Variants in DGKD observed in about 807,000 individuals in gnomAD.
DGKD encodes the protein DAG kinase delta.
In DGKD, 68 loss-of-function variants were observed where a neutral mutation model predicts 154.4. The ratio of observed to expected loss-of-function variants is 0.44; its 90% CI spans 0.36 to 0.54. DGKD has a LOEUF of 0.54. DGKD is among the 20% of genes least tolerant of loss of function. The pLI, the probability that DGKD is intolerant of heterozygous loss-of-function variation, is 0.00. For missense variants in DGKD, 1,343 were observed against 1,593.6 expected (o/e 0.84, Z 2.68); for synonymous variants, 693 against 638.0 (o/e 1.09, Z -1.30).
chr2:233,424,467 T>C (rs1157754200), intron 3 of DGKD, among the ~76,000 whole-genome samples: 2 of 152,198 alleles, frequency 1.3e-5, no homozygotes, highest in Non-Finnish European at 2.9e-5. Flanking sequence ...CTTAATGAGA[T>C]GTTGGTATCG....
intron 3 of DGKD, among the ~76,000 whole-genome samples, chr2:233,427,013 G>C (rs2062328444): frequency 6.6e-6 from 1 of 152,146 alleles, no homozygotes; most frequent in Admixed American, 6.5e-5. Flanking sequence ...TGCTCTTACT[G>C]ATTTTTAAGT....
At chr2:233,428,500 A>C (rs908320998) in intron 3 of DGKD, among the ~76,000 whole-genome samples, 25 of 152,346 alleles carry the variant, frequency 1.6e-4, no homozygotes, top group African/African-American at 5.5e-4. Flanking sequence ...GGTAGCACCG[A>C]TAGTGACAGT....
chr2:233,380,704 G>A (rs904991179), intron 1 of DGKD, among the ~76,000 whole-genome samples: 3 of 152,106 alleles, frequency 2.0e-5, no homozygotes, highest in African/African-American at 4.8e-5. Context: ...ACCACATACC[G>A]CAGCATACCG....
Position 233,441,825 on chromosome 2 carries a change from C to G in DGKD, c.1086-62C>G. Reference sequence around the variant, plus strand: ...AGGTGGCCCCTCAGCCCCGTACTGACAAGCCTGTCATTTGTCCTGTGGAAT... The same window carrying G: ...AGGTGGCCCCTCAGCCCCGTACTGAGAAGCCTGTCATTTGTCCTGTGGAAT... On this transcript the variant is annotated intron_variant, in intron 9 of 29. Transcript: ENST00000264057. The surrounding 1 kb of genome is among the most constrained non-coding windows in gnomAD (Gnocchi z 5.6). 1.3e-6 allele frequency: 2 copies of G among 1,521,250 alleles called. No individual in the cohort carries two copies. Among genetic ancestry groups the G allele is most frequent in the Non-Finnish European group, 1.8e-6 (2 of 1,107,680 alleles). 94.2% of individuals were successfully genotyped at this position (1,521,250 alleles called of 1,614,324 possible). A position where few individuals can be genotyped will look rare whatever the true frequency, so the allele number is the denominator to read the frequency against.
chr2:233,368,549 G>A (rs761011896), intron 1 of DGKD, among the ~76,000 whole-genome samples: 9 of 152,060 alleles, frequency 5.9e-5, no homozygotes, highest in Non-Finnish European at 1.2e-4. Flanking sequence ...CACTTCAACC[G>A]AGTTAAGGAC....
intron 1 of DGKD, among the ~76,000 whole-genome samples, chr2:233,355,316 TTAGA>T (rs1701487761): frequency 6.6e-6 from 1 of 152,226 alleles, no homozygotes; most frequent in East Asian, 1.9e-4. Context: ...ACGCTAAATG[TTAGA>T]TAAAGACGCA....
chr2:233,388,483 G>A, intron 2 of DGKD, 116 bp downstream of exon 2: 1 of 992,190 alleles, frequency 1.0e-6, no homozygotes, highest in Non-Finnish European at 1.5e-6. Context: ...ATCTGTTATT[G>A]CCAGTGAGTT....
intron 3 of DGKD, among the ~76,000 whole-genome samples, chr2:233,393,059 C>CAGGCTGGA (rs1200074944): frequency 2.6e-5 from 4 of 152,126 alleles, no homozygotes; most frequent in Non-Finnish European, 5.9e-5. Flanking sequence ...CTCTGTTGCC[C>CAGGCTGGA]AGGCTGGAAG....
Position 233,469,610 on chromosome 2 carries a change from A to G in DGKD, c.*150A>G, listed in dbSNP as rs2063945559. The G allele has an allele frequency of 3.1e-6, 2 of 648,808 alleles. No individual in the cohort carries two copies. Among genetic ancestry groups the G allele is most frequent in the Non-Finnish European group, 5.3e-6 (2 of 374,238 alleles). 40.2% of individuals were successfully genotyped at this position (648,808 alleles called of 1,614,324 possible). A position where few individuals can be genotyped will look rare whatever the true frequency, so the allele number is the denominator to read the frequency against. ...TTCTCATGGTGCTACTTCCTCTGTC[A>G]GCTACAGAAAGCCTCCGTGACACCG... On this transcript the variant is annotated 3_prime_UTR_variant, in exon 30 of 30. Transcript: ENST00000264057.
chr2:233,444,487 CCTCTT>C (rs2062999611), intron 10 of DGKD, among the ~76,000 whole-genome samples: 1 of 151,700 alleles, frequency 6.6e-6, no homozygotes, highest in Admixed American at 6.6e-5. Flanking sequence ...TCGCTGTCCT[CCTCTT>C]CACTGAGCTC....
At chr2:233,431,332 C>T (rs1431762535) in intron 3 of DGKD, among the ~76,000 whole-genome samples, 1 of 152,024 alleles carries the variant, frequency 6.6e-6, no homozygotes, top group Non-Finnish European at 1.5e-5. Flanking sequence ...AGAGAACACA[C>T]AAAAAATGGA....
intron 4 of DGKD, 29 bp from the exon 5 acceptor site, chr2:233,434,740 T>C (rs1230643923): frequency 1.3e-6 from 2 of 1,595,656 alleles, no homozygotes; most frequent in South Asian, 1.1e-5. Context: ...AGAAGTCTTA[T>C]CTTTGCCCTC....
chr2:233,396,379 G>A (rs910982279), intron 3 of DGKD, among the ~76,000 whole-genome samples: 2 of 152,198 alleles, frequency 1.3e-5, no homozygotes, highest in South Asian at 2.1e-4. Flanking sequence ...AATTTGGCTC[G>A]TTTATTTAGT....
chr2:233,405,903 T>C (rs1027117599), intron 3 of DGKD, among the ~76,000 whole-genome samples: 3 of 152,240 alleles, frequency 2.0e-5, no homozygotes, highest in African/African-American at 4.8e-5. Flanking sequence ...TAGTGTATGT[T>C]AGAGTTAGGT....
chr2:233,436,560 C>G, intron 7 of DGKD, 119 bp downstream of exon 7: 1 of 1,398,068 alleles, frequency 7.2e-7, no homozygotes, highest in South Asian at 1.5e-5. Flanking sequence ...AGAGGCCCCT[C>G]CGGCTGAGAG....
intron 3 of DGKD, among the ~76,000 whole-genome samples, chr2:233,402,985 A>G (rs2061594871): frequency 6.6e-6 from 1 of 152,180 alleles, no homozygotes; most frequent in African/African-American, 2.4e-5. Context: ...GAAGGTACAA[A>G]GTACAGTTAG....
intron 3 of DGKD, among the ~76,000 whole-genome samples, chr2:233,397,308 G>A (rs1384313023): frequency 1.1e-5 from 1 of 87,284 alleles, no homozygotes; most frequent in African/African-American, 4.9e-5. Context: ...GCTGGGGGGG[G>A]GGCCAGAGCG....
intron 3 of DGKD, among the ~76,000 whole-genome samples, chr2:233,423,627 T>A (rs1187653328): frequency 2.6e-5 from 4 of 152,138 alleles, no homozygotes; most frequent in Admixed American, 2.0e-4. Context: ...CTCTGGATAC[T>A]CTGTTAGGTG....
At chr2:233,454,250 C>T (rs1001440762) in intron 18 of DGKD, 9 of 389,148 alleles carry the variant, frequency 2.3e-5, no homozygotes, top group African/African-American at 4.3e-5. Context: ...ATGAGCAGGT[C>T]AATAGATGCA....
Sources: gnomAD v4.1 joint callset for allele counts (sites outside exome capture counted in the v4.1 genomes callset) on GRCh38, gnomAD v4.1.1 for gene constraint, Gnocchi (gnomAD v3.1) non-coding constraint, MANE v1.5 for transcripts, NCBI Gene and HGNC (gene_info 2026-07-23, HGNC 2026-07-21) for gene names.